MYL3: variants seen among roughly 807,000 people sequenced by gnomAD.
The protein encoded by MYL3 is myosin light chain 3.
MYL3 carries 11 observed loss-of-function variants against 21.3 expected under a neutral mutation model. The observed-to-expected ratio is 0.52, with a 90% CI of 0.32 to 0.85. MYL3 has a LOEUF of 0.85. MYL3 is among the 40% of genes least tolerant of loss of function. The pLI, the probability that MYL3 is intolerant of heterozygous loss-of-function variation, is 0.03. For synonymous variants in MYL3, 88 were observed against 91.6 expected, an observed-to-expected ratio of 0.96 and a Z score of 0.22; for missense variants, 206 against 253.3, an observed-to-expected ratio of 0.81 and a Z score of 1.27.
At chr3:46,863,698 C>T (rs756583913), upstream of MYL3, among the ~76,000 whole-genome samples, 8 of 152,144 alleles carry the variant, frequency 5.3e-5, no homozygotes, top group Non-Finnish European at 7.4e-5. Context: ...CACACATACA[C>T]ACATACACAC....
chr3:46,869,317 T>C (rs1471048784), intron 1 of MYL3, among the ~76,000 whole-genome samples: 1 of 152,202 alleles, frequency 6.6e-6, no homozygotes, highest in Non-Finnish European at 1.5e-5. Flanking sequence ...AGCAGCGGCC[T>C]GAAATGACCA....
At chr3:46,858,126 AC>A in intron 6 of MYL3, 25 bp from the exon 7 acceptor site, 1 of 1,321,104 alleles carries the variant, frequency 7.6e-7, no homozygotes, top group Non-Finnish European at 1.1e-6. Context: ...AGTGCAGATT[AC>A]AGAGGAGGAG....
chr3:46,863,098 C>T (rs763904110), intron 1 of MYL3, among the ~76,000 whole-genome samples, 164 bp downstream of exon 1: 14 of 152,242 alleles, frequency 9.2e-5, no homozygotes, highest in Non-Finnish European at 1.5e-4. Flanking sequence ...TGCTGCAGCC[C>T]TTCTGATGCC....
At chr3:46,872,604 T>C (rs577713181) in intron 1 of MYL3, among the ~76,000 whole-genome samples, 53 of 152,330 alleles carry the variant, frequency 3.5e-4, no homozygotes, top group African/African-American at 1.3e-3. Flanking sequence ...TCGCCTGACC[T>C]TGGGGTCCAG....
upstream of MYL3, among the ~76,000 whole-genome samples, chr3:46,867,290 G>A (rs1045220169): frequency 2.6e-5 from 4 of 152,068 alleles, no homozygotes; most frequent in East Asian, 1.9e-4. Context: ...CAGACTTCCA[G>A]GACTGCAAAC....
Position 46,858,411 on chromosome 3 carries a change from C to T in MYL3, c.532G>A (p.Asp178Asn), listed in dbSNP as rs145520567. 190 of 1,614,082 alleles carry T rather than the reference C, an allele frequency of 1.2e-4. 1 individual carries two copies. In the South Asian group the frequency reaches 1.6e-3, roughly 14 times the overall value. ...EVEKLMAGQE[D>N]SNGCINYEAF... ...TCATAGTTGATGCAGCCATTGGAGT[C>T]CTCTTGCCCAGCCATCAACTTCTCC... is the stretch of plus-strand genomic sequence containing the variant. The change falls in exon 5 of 7, where the codon GAC (aspartate) becomes AAC (asparagine). Residue 178 changes from aspartate to asparagine, a missense_variant. By Grantham distance (23) the Asp-to-Asn change is conservative (BLOSUM62 1). Coordinates refer to ENST00000292327, the MANE Select transcript of MYL3 (RefSeq NM_000258.3).
upstream of MYL3, among the ~76,000 whole-genome samples, chr3:46,865,008 T>C (rs1038673026): frequency 3.9e-5 from 6 of 152,148 alleles, no homozygotes; most frequent in African/African-American, 4.8e-5. The surrounding 1 kb of genome is among the most constrained non-coding windows in gnomAD (Gnocchi z 4.3). Flanking sequence ...CTGGAGCCTT[T>C]GATAGAAACT....
In MYL3 at chr3:46,874,622, C is replaced by G. The variant is rs1332972173; in HGVS notation, c.-218+7452G>C. On this transcript the variant is annotated intron_variant, in intron 1 of 3. Coordinates refer to the MYL3 transcript ENST00000431168. This position sits in a 1 kb window ranked among gnomAD's most constrained non-coding sequence, Gnocchi z 4.1. ...TTTGAGTTTAAGAAAACTTTGCAGT[C>G]GGCAGGAGCTCTTAAAGGTTATAAA... Among the ~76,000 whole-genome samples the G allele has an allele frequency of 1.3e-5, 2 of 152,166 alleles. No homozygotes were observed. Among genetic ancestry groups the G allele is most frequent in the Admixed American group, 6.5e-5 (1 of 15,268 alleles).
At chr3:46,876,531 T>C (rs987677382) in intron 1 of MYL3, among the ~76,000 whole-genome samples, 2 of 152,242 alleles carry the variant, frequency 1.3e-5, no homozygotes, top group Non-Finnish European at 2.9e-5. Flanking sequence ...GGCCAGTCCA[T>C]TCTGCTCTTT....
Position 46,861,132 on chromosome 3 carries a change from G to A in MYL3, c.130-145C>T, listed in dbSNP as rs114333613. 1,045 of 944,722 alleles carry A rather than the reference G, an allele frequency of 1.1e-3. 3 individuals carry two copies. Among genetic ancestry groups the A allele is most frequent in the Admixed American group, 1.4e-3 (74 of 51,530 alleles). 58.5% of individuals were successfully genotyped at this position (944,722 alleles called of 1,614,324 possible). On this transcript the variant is annotated intron_variant, in intron 1 of 6. Transcript: ENST00000292327. The surrounding 1 kb of genome is among the most constrained non-coding windows in gnomAD (Gnocchi z 4.2). ...CCAGCCTGCACCCCCAGGACCTCCT[G>A]CAGTCCATCTTGACGCCCTCCTGCC...
At chr3:46,877,422 G>C (rs1433792739) in intron 1 of MYL3, among the ~76,000 whole-genome samples, 1 of 152,230 alleles carries the variant, frequency 6.6e-6, no homozygotes, top group East Asian at 1.9e-4. Context: ...CAGAGGGTTA[G>C]ACAGGGACAC....
At chr3:46,877,119 C>T (rs1353846586) in intron 1 of MYL3, among the ~76,000 whole-genome samples, 1 of 152,146 alleles carries the variant, frequency 6.6e-6, no homozygotes, top group Non-Finnish European at 1.5e-5. Flanking sequence ...CAGGAGCCCA[C>T]ATTCCAGTGG....
intron 1 of MYL3, 83 bp downstream of exon 1, chr3:46,863,179 C>A: frequency 6.3e-7 from 1 of 1,594,922 alleles, no homozygotes; most frequent in Non-Finnish European, 8.6e-7. Flanking sequence ...ACCTCCAGAG[C>A]CTGACCTGCC....
At position 46,860,660 on chromosome 3, in the gene MYL3, C is replaced by A. The variant is rs759754750; in HGVS notation, c.307+16G>T. 1 of 1,612,558 alleles carries A rather than the reference C, an allele frequency of 6.2e-7. No homozygotes were observed. Among genetic ancestry groups the A allele is most frequent in the Non-Finnish European group, 8.5e-7 (1 of 1,180,008 alleles). ...CCGGTACTAACACTATGGGGGCTCT[C>A]GGGCAGGTGCACTACCTTCCTGTCT... On this transcript the variant is annotated intron_variant, in intron 3 of 6. Transcript: ENST00000292327. This position sits in a 1 kb window ranked among gnomAD's most constrained non-coding sequence, Gnocchi z 4.6.
At chr3:46,871,342 G>A (rs1299034017) in intron 1 of MYL3, among the ~76,000 whole-genome samples, 1 of 152,060 alleles carries the variant, frequency 6.6e-6, no homozygotes, top group Non-Finnish European at 1.5e-5. Flanking sequence ...TTCACAGAAG[G>A]GGAAACAGAG....
chr3:46,876,091 A>G (rs2030196450), intron 1 of MYL3, among the ~76,000 whole-genome samples: 1 of 152,244 alleles, frequency 6.6e-6, no homozygotes, highest in Admixed American at 6.5e-5. Context: ...GCTTGCATCC[A>G]AGACCCAAGT....
Position 46,858,287 on chromosome 3 carries a change from A to G in MYL3, c.560-15T>C, listed in dbSNP as rs1041055773. On this transcript the variant is annotated splice_polypyrimidine_tract_variant and intron_variant, in intron 5 of 6. Transcript: ENST00000292327. ...CTTCACAAATGCTGGAAAGAAGAGG[A>G]GAGTGAGTGGCAGGAGTGCAACATG... 1 of 1,614,106 alleles carries G rather than the reference A, an allele frequency of 6.2e-7. No individual in the cohort carries two copies.
chr3:46,877,577 G>A (rs111456134), intron 1 of MYL3, among the ~76,000 whole-genome samples: 1,912 of 152,310 alleles, frequency 0.013, 46 homozygotes, highest in African/African-American at 0.042. Context: ...TCTGAACACC[G>A]GCACACTTGG....
intron 1 of MYL3, among the ~76,000 whole-genome samples, chr3:46,871,455 G>A (rs1357722144): frequency 6.6e-6 from 1 of 152,126 alleles, no homozygotes; most frequent in Non-Finnish European, 1.5e-5. Context: ...GATAAGGACG[G>A]GGTCAGAGCT....
Sources: allele counts gnomAD v4.1 joint callset (sites outside exome capture counted in the v4.1 genomes callset), GRCh38; gene constraint gnomAD v4.1.1; non-coding constraint Gnocchi (gnomAD v3.1); transcripts MANE v1.5; gene names NCBI Gene and HGNC (gene_info 2026-07-23, HGNC 2026-07-21).